The following SPEF2 variants were observed in gnomAD, a reference collection of about 807,000 sequenced individuals.
SPEF2 encodes sperm flagellar and cilia associated 2, also known as sperm flagella and cilia-associated protein 2.
SPEF2 carries 187 observed loss-of-function variants against 224.6 expected under a neutral mutation model. The observed-to-expected ratio is 0.83, with a 90% CI of 0.74 to 0.94. The LOEUF (loss-of-function observed/expected upper bound fraction) is 0.94. Ranked by LOEUF, SPEF2 falls within the 40% of genes least tolerant of loss-of-function variation. The pLI, the probability that SPEF2 is intolerant of heterozygous loss-of-function variation, is 0.00. For synonymous variants in SPEF2, 715 were observed against 707.3 expected (o/e 1.01, Z -0.17); for missense variants, 2,170 against 2,135.6 (o/e 1.02, Z -0.32).
intron 23 of SPEF2, among the ~76,000 whole-genome samples, chr5:35,751,902 T>C (rs1471300250): frequency 6.6e-6 from 1 of 152,144 alleles, no homozygotes; most frequent in African/African-American, 2.4e-5. Context: ...ATCAATGTAA[T>C]GCAGTGGTCC....
chr5:35,645,748 A>G (rs1747275131), intron 4 of SPEF2, among the ~76,000 whole-genome samples: 1 of 152,222 alleles, frequency 6.6e-6, no homozygotes, highest in African/African-American at 2.4e-5. Flanking sequence ...ATTCTGAAAT[A>G]AATTATGTTC....
At chr5:35,692,492 A>G in intron 11 of SPEF2, 78 bp from the exon 12 acceptor site, 1 of 1,161,386 alleles carries the variant, frequency 8.6e-7, no homozygotes, top group Admixed American at 2.1e-5. Flanking sequence ...GTGTTATAGG[A>G]CAAAACCAGC....
intron 26 of SPEF2, among the ~76,000 whole-genome samples, chr5:35,767,756 A>AT (rs1336246049): frequency 1.2e-4 from 18 of 152,100 alleles, no homozygotes; most frequent in Non-Finnish European, 2.1e-4. Context: ...TAAGTATTAG[A>AT]TTTTTTATAA....
chr5:35,641,298 T>G (rs988933275), intron 2 of SPEF2, 133 bp from the exon 3 acceptor site: 4 of 1,047,680 alleles, frequency 3.8e-6, no homozygotes, highest in South Asian at 3.5e-5. Context: ...TAGAGTGGTT[T>G]TAGAGAGGAA....
At chr5:35,635,197 C>T (rs1745663280) in intron 2 of SPEF2, among the ~76,000 whole-genome samples, 1 of 151,970 alleles carries the variant, frequency 6.6e-6, no homozygotes, top group Admixed American at 6.5e-5. Flanking sequence ...TTTCCTCTGC[C>T]AACTCTAGTT....
chr5:35,728,978 G>A (rs535936290), intron 21 of SPEF2, among the ~76,000 whole-genome samples: 2 of 152,146 alleles, frequency 1.3e-5, no homozygotes, highest in South Asian at 4.2e-4. Context: ...AAGTGATGGG[G>A]AATGTGGGGC....
chr5:35,814,276 A>G (rs1480863585), intron 36 of SPEF2, among the ~76,000 whole-genome samples, 188 bp from the exon 37 acceptor site: 3 of 152,248 alleles, frequency 2.0e-5, no homozygotes, highest in African/African-American at 7.2e-5. Flanking sequence ...TAATTTTCCA[A>G]ACATACAAGT....
chr5:35,715,828 T>TTTTTC (rs1742467499), intron 20 of SPEF2, among the ~76,000 whole-genome samples: 1 of 141,610 alleles, frequency 7.1e-6, no homozygotes, highest in Non-Finnish European at 1.5e-5. Context: ...TTTTTTTTTT[T>TTTTTC]TTTTTGAGAC....
chr5:35,629,151 CTTTT>C (rs768077049), intron 2 of SPEF2, among the ~76,000 whole-genome samples: 68 of 88,314 alleles, frequency 7.7e-4, no homozygotes, highest in South Asian at 7.2e-3. Context: ...TCGATTGTTC[CTTTT>C]TTTTTTTTTT....
intron 19 of SPEF2, chr5:35,710,192 G>C (rs930829979): frequency 1.0e-6 from 1 of 984,764 alleles, no homozygotes; most frequent in East Asian, 1.1e-4. Context: ...TTTTCCCGCT[G>C]TCTCATTAGG....
intron 30 of SPEF2, 77 bp downstream of exon 30, chr5:35,779,423 G>A: frequency 9.1e-7 from 1 of 1,098,704 alleles, no homozygotes; most frequent in South Asian, 1.5e-5. Flanking sequence ...TTGCCAACAA[G>A]TAAAATCAGC....
intron 36 of SPEF2, among the ~76,000 whole-genome samples, chr5:35,814,218 T>TGACA (rs1758702036): frequency 6.6e-6 from 1 of 152,202 alleles, no homozygotes; most frequent in Non-Finnish European, 1.5e-5. Context: ...TAACCTAATA[T>TGACA]GACAACTCCA....
In SPEF2 at chr5:35,764,796, C is replaced by T. The variant is rs1002655630; in HGVS notation, c.3801+1094C>T. 6.7e-6 allele frequency: 3 copies of T among 445,526 alleles called. No homozygotes were observed. The Admixed American group carries it at 7.4e-5, about 11-fold the overall frequency. 27.6% of individuals were successfully genotyped at this position (445,526 alleles called of 1,614,324 possible). The stretch of plus-strand genomic sequence containing the variant: ...CTTCTCATACAAGCAGCCTGTGTTT[C>T]CTTTCTTCCTCCCTCTCTTTCTTTT... On this transcript the variant is annotated intron_variant, in intron 26 of 36. Transcript: ENST00000356031.
intron 10 of SPEF2, among the ~76,000 whole-genome samples, chr5:35,672,657 C>A (rs1173331361): frequency 6.6e-6 from 1 of 151,598 alleles, no homozygotes; most frequent in Non-Finnish European, 1.5e-5. Flanking sequence ...TAGTGTAATA[C>A]ATTTGCTTGA....
In SPEF2 at chr5:35,814,535, T is replaced by A; in HGVS notation, c.5451T>A (p.His1817Gln). The change falls in exon 37 of 37, where the codon CAT becomes CAA. Residue 1817 changes from histidine (H) to glutamine (Q), a missense_variant. Physicochemically the swap from His to Gln is conservative, Grantham distance 24 (BLOSUM62 0). Transcript: ENST00000356031. ...ATGGAGAGAGATCACCTTCAAGACA[T>A]ACAGAGGAAAAGAAATGAAGACAAA... ...GSDGERSPSR[H>Q]TEEKK 1 of 1,605,134 alleles carries A rather than the reference T, an allele frequency of 6.2e-7. No homozygotes were observed. Among genetic ancestry groups the A allele is most frequent in the Middle Eastern group, 1.7e-4 (1 of 6,036 alleles).
At chr5:35,675,555 G>GTCTCGC (rs1255106292) in intron 10 of SPEF2, 1 of 145,710 alleles carries the variant, frequency 6.9e-6, no homozygotes. Flanking sequence ...TTGAGAGGGA[G>GTCTCGC]TCTCGCTCTC....
At chr5:35,632,599 TCTG>T (rs1745290952) in intron 2 of SPEF2, among the ~76,000 whole-genome samples, 1 of 152,200 alleles carries the variant, frequency 6.6e-6, no homozygotes, top group African/African-American at 2.4e-5. Flanking sequence ...TTTCTGGCCT[TCTG>T]CTTATTTTGG....
At chr5:35,795,860 C>A in intron 33 of SPEF2, 65 bp downstream of exon 33, 6 of 1,402,014 alleles carry the variant, frequency 4.3e-6, no homozygotes, top group Non-Finnish European at 6.0e-6. Flanking sequence ...GTGTTTTCTT[C>A]CACTTATGTA....
chr5:35,702,149 C>G (rs1405409862), intron 16 of SPEF2: 3 of 455,976 alleles, frequency 6.6e-6, no homozygotes, highest in Non-Finnish European at 1.3e-5. Flanking sequence ...AATCCCCCTT[C>G]CAGACCAGCA....
Sources: gnomAD v4.1 joint callset for allele counts (sites outside exome capture counted in the v4.1 genomes callset) on GRCh38, gnomAD v4.1.1 for gene constraint, MANE v1.5 for transcripts, NCBI Gene and HGNC (gene_info 2026-07-23, HGNC 2026-07-21) for gene names.